The following HYCC1 variants were observed in gnomAD, a reference collection of about 807,000 sequenced individuals.
HYCC1 encodes hyccin.
At chr7:22,910,447 G>A in the HYCC1 span, among the ~76,000 whole-genome samples, 25 of 152,192 alleles carry the variant, frequency 1.6e-4, no homozygotes. Flanking sequence ...TGTACAGCCT[G>A]CAGAATCGGA....
At chr7:22,920,594 G>A in the HYCC1 span, among the ~76,000 whole-genome samples, 1 of 152,138 alleles carries the variant, frequency 6.6e-6, no homozygotes, top group Non-Finnish European at 1.5e-5. Context: ...ATTGCTCGCA[G>A]AGATATTTTA....
At chr7:22,985,837 T>G in the HYCC1 span, 1 of 148,798 alleles carries the variant, frequency 6.7e-6, no homozygotes, top group Non-Finnish European at 1.5e-5. Flanking sequence ...TTTATATATA[T>G]AAAATGCATT....
At chr7:23,006,405 T>A in the HYCC1 span, among the ~76,000 whole-genome samples, 1 of 152,130 alleles carries the variant, frequency 6.6e-6, no homozygotes, top group Non-Finnish European at 1.5e-5. Context: ...TAGCTGCGAC[T>A]ACAGGCGCCT....
At chr7:23,002,831 T>C in the HYCC1 span, among the ~76,000 whole-genome samples, 115 of 152,290 alleles carry the variant, frequency 7.6e-4, 1 homozygote, top group Admixed American at 2.0e-3. Flanking sequence ...TTTCTCACAG[T>C]TCTCTAGGCT....
the HYCC1 span, among the ~76,000 whole-genome samples, chr7:23,002,740 A>G: frequency 6.6e-6 from 1 of 152,216 alleles, no homozygotes; most frequent in East Asian, 1.9e-4. Flanking sequence ...ACATCCAAGT[A>G]TAAAAGCCAC....
the HYCC1 span, among the ~76,000 whole-genome samples, chr7:22,956,079 T>C: frequency 2.6e-5 from 4 of 151,728 alleles, no homozygotes; most frequent in Non-Finnish European, 4.4e-5. Context: ...ATCTATTCAG[T>C]CTTCTCTAAA....
the HYCC1 span, chr7:22,939,316 A>G: frequency 2.0e-5 from 3 of 152,182 alleles, no homozygotes; most frequent in African/African-American, 7.2e-5. Flanking sequence ...GATACACTTT[A>G]AAGTCTGATA....
At chr7:22,925,585 A>G in the HYCC1 span, among the ~76,000 whole-genome samples, 3 of 152,220 alleles carry the variant, frequency 2.0e-5, no homozygotes, top group Admixed American at 6.5e-5. Flanking sequence ...GGTATCAGTG[A>G]TGGAAGACAA....
the HYCC1 span, among the ~76,000 whole-genome samples, chr7:22,975,350 T>G: frequency 6.6e-6 from 1 of 152,206 alleles, no homozygotes; most frequent in South Asian, 2.1e-4. Flanking sequence ...TCTGGTCATA[T>G]TCAACCAATC....
the HYCC1 span, among the ~76,000 whole-genome samples, chr7:22,956,099 T>C: frequency 2.0e-5 from 3 of 151,740 alleles, no homozygotes; most frequent in Non-Finnish European, 4.4e-5. Flanking sequence ...ACTTATTGAA[T>C]GCTTTTTAAA....
At chr7:22,948,249 C>A in the HYCC1 span, among the ~76,000 whole-genome samples, 1 of 152,040 alleles carries the variant, frequency 6.6e-6, no homozygotes, top group African/African-American at 2.4e-5. Context: ...CTGTAGACCA[C>A]AAACCTGCTT....
the HYCC1 span, among the ~76,000 whole-genome samples, chr7:22,984,545 C>A: frequency 2.0e-5 from 3 of 151,980 alleles, no homozygotes; most frequent in Non-Finnish European, 2.9e-5. Flanking sequence ...TATAGTGAGA[C>A]CTCGTCTCTA....
At chr7:22,922,421 A>T in the HYCC1 span, among the ~76,000 whole-genome samples, 4 of 152,270 alleles carry the variant, frequency 2.6e-5, no homozygotes, top group Non-Finnish European at 5.9e-5. Flanking sequence ...AGCTTAGCTT[A>T]GCCCACCTTG....
the HYCC1 span, among the ~76,000 whole-genome samples, chr7:22,917,295 A>G: frequency 1.9e-4 from 29 of 152,262 alleles, no homozygotes; most frequent in African/African-American, 6.5e-4. Flanking sequence ...TTCTGTTGTC[A>G]TTTCATAACC....
the HYCC1 span, among the ~76,000 whole-genome samples, chr7:22,908,298 T>A: frequency 6.6e-6 from 1 of 152,206 alleles, no homozygotes; most frequent in African/African-American, 2.4e-5. Flanking sequence ...CATAGATTCC[T>A]TTTTAGTCTG....
At chr7:22,904,689 A>T in the HYCC1 span, among the ~76,000 whole-genome samples, 1 of 151,854 alleles carries the variant, frequency 6.6e-6, no homozygotes, top group Non-Finnish European at 1.5e-5. Context: ...ATGGTGGCTC[A>T]TGACAGCACT....
At chr7:22,980,248 C>T in the HYCC1 span, among the ~76,000 whole-genome samples, 1 of 149,808 alleles carries the variant, frequency 6.7e-6, no homozygotes, top group African/African-American at 2.5e-5. Flanking sequence ...TGCTGTGTTC[C>T]TGGTGTCTGG....
At chr7:22,978,359 T>A in the HYCC1 span, 2 of 1,613,946 alleles carry the variant, frequency 1.2e-6, no homozygotes, top group East Asian at 2.2e-5. Flanking sequence ...ACCAAATTAG[T>A]TCTGGGAGAA....
At chr7:22,910,682 T>TA in the HYCC1 span, among the ~76,000 whole-genome samples, 1 of 152,230 alleles carries the variant, frequency 6.6e-6, no homozygotes, top group Admixed American at 6.5e-5. Context: ...AAAATGTTTC[T>TA]AAAATGGGCA....
Sources: gnomAD v4.1 joint callset for allele counts (sites outside exome capture counted in the v4.1 genomes callset) on GRCh38, gnomAD v4.1.1 for gene constraint, MANE v1.5 for transcripts, NCBI Gene and HGNC (gene_info 2026-07-23, HGNC 2026-07-21) for gene names.